HDX: variants seen among roughly 807,000 people sequenced by gnomAD.
HDX encodes the protein chromosome X open reading frame 43.
A neutral mutation model predicts 45.2 loss-of-function variants in HDX; 19 were observed. The ratio of observed to expected loss-of-function variants is 0.42; its 90% CI spans 0.29 to 0.62. The LOEUF is 0.62. Among genes scored for constraint, HDX ranks in the 20% least tolerant of loss-of-function variants. HDX has a pLI of 0.20. For missense variants in HDX, 532 were observed against 493.9 expected (o/e 1.08, Z -0.73); for synonymous variants, 188 against 172.8 (o/e 1.09, Z -0.69).
intron 5 of HDX, among the ~76,000 whole-genome samples, chrX:84,366,950 A>T (rs1162642714): frequency 2.7e-5 from 3 of 112,245 alleles, no homozygotes; most frequent in Admixed American, 9.5e-5. Flanking sequence ...CAAAGACTTC[A>T]TGACTAAAAC....
At chrX:84,474,554 A>G (rs748349032) in intron 3 of HDX, among the ~76,000 whole-genome samples, 5 of 111,904 alleles carry the variant, frequency 4.5e-5, no homozygotes, top group Admixed American at 9.5e-5. Context: ...TAATCTTTCA[A>G]TCACTAAGGT....
intron 5 of HDX, among the ~76,000 whole-genome samples, chrX:84,406,464 TCACATA>T (rs1464628788): frequency 2.4e-5 from 2 of 85,023 alleles, no homozygotes; most frequent in Non-Finnish European, 4.7e-5. Flanking sequence ...CTGGATAATC[TCACATA>T]CACACACACA....
chrX:84,481,872 T>G (rs772891743), intron 2 of HDX, among the ~76,000 whole-genome samples: 1 of 111,163 alleles, frequency 9.0e-6, no homozygotes, highest in African/African-American at 3.3e-5. Flanking sequence ...CCTCCATCCC[T>G]CCCCACTTTT....
chrX:84,446,859 T>TGTGGTG (rs1569347443), intron 4 of HDX, among the ~76,000 whole-genome samples: 1 of 111,937 alleles, frequency 8.9e-6, no homozygotes, highest in African/African-American at 3.3e-5. Flanking sequence ...TTGGGGGAAG[T>TGTGGTG]GTGGTGGCCT....
chrX:84,487,956 G>A (rs2040827665), intron 2 of HDX, 68 bp downstream of exon 2: 1 of 111,827 alleles, frequency 8.9e-6, no homozygotes, highest in Admixed American at 9.5e-5. Context: ...CCGCTCCATA[G>A]TTCCATGAGA....
intron 4 of HDX, among the ~76,000 whole-genome samples, chrX:84,446,486 T>G (rs2039875725): frequency 8.9e-6 from 1 of 111,941 alleles, no homozygotes; most frequent in Non-Finnish European, 1.9e-5. Flanking sequence ...TCTGTATCTT[T>G]TCTTTGCATA....
At chrX:84,490,528 C>T (rs2040872682) in intron 1 of HDX, among the ~76,000 whole-genome samples, 1 of 110,423 alleles carries the variant, frequency 9.1e-6, no homozygotes, top group African/African-American at 3.3e-5. Flanking sequence ...TCATTTGTAC[C>T]CACATATTTA....
chrX:84,357,275 A>C (rs2037510043), intron 6 of HDX, among the ~76,000 whole-genome samples: 1 of 111,439 alleles, frequency 9.0e-6, no homozygotes, highest in Admixed American at 9.6e-5. Flanking sequence ...AAGATGATGG[A>C]ATTATTATAT....
At chrX:84,460,390 T>C (rs2040213953) in intron 4 of HDX, among the ~76,000 whole-genome samples, 2 of 112,203 alleles carry the variant, frequency 1.8e-5, no homozygotes, top group Non-Finnish European at 3.8e-5. Context: ...GTTAAACTTA[T>C]GCAAATTAAC....
chrX:84,395,786 T>C (rs1179007568), intron 5 of HDX, among the ~76,000 whole-genome samples: 2 of 112,045 alleles, frequency 1.8e-5, no homozygotes, highest in Admixed American at 1.9e-4. Flanking sequence ...TTTATTTTTG[T>C]CTGACTGGGT....
rs1324339965 is a variant in HDX at position 84,382,156 on chromosome X, C to A, written c.1306-20544G>T. 2.7e-5 allele frequency among the ~76,000 whole-genome samples: 3 copies of A among 111,593 alleles called. No individual in the cohort carries two copies. In the Admixed American group the frequency reaches 2.8e-4, roughly 11 times the overall value. On this transcript the variant is annotated intron_variant, in intron 5 of 10. Coordinates refer to ENST00000373177, the MANE Select transcript of HDX (RefSeq NM_001177479.2). ...AAAACTACAATGAGGCATTATCTTA[C>A]CTCAGCTAAAGTGGCTTGTATCCAA...
At chrX:84,358,395 T>C (rs2037538948) in intron 6 of HDX, among the ~76,000 whole-genome samples, 1 of 111,796 alleles carries the variant, frequency 8.9e-6, no homozygotes. Flanking sequence ...CAAGAACACA[T>C]GCTCTACATT....
At chrX:84,437,766 C>T (rs1280200776) in intron 5 of HDX, among the ~76,000 whole-genome samples, 5 of 111,208 alleles carry the variant, frequency 4.5e-5, no homozygotes, top group Non-Finnish European at 7.5e-5. Context: ...CCCATTGTGG[C>T]TTGTTCCCTC....
chrX:84,352,141 G>T (rs184378347), intron 6 of HDX, among the ~76,000 whole-genome samples: 2 of 112,269 alleles, frequency 1.8e-5, no homozygotes, highest in African/African-American at 6.4e-5. Flanking sequence ...TAAAAAACAT[G>T]AATGAAGTTA....
chrX:84,440,320 G>C (rs1256254748), intron 5 of HDX: 1 of 321,240 alleles, frequency 3.1e-6, no homozygotes, highest in African/African-American at 2.8e-5. Flanking sequence ...ACTGCCCATG[G>C]ATTATATGGT....
At chrX:84,492,026 C>T (rs767827316) in intron 1 of HDX, among the ~76,000 whole-genome samples, 8 of 111,245 alleles carry the variant, frequency 7.2e-5, no homozygotes, top group African/African-American at 2.6e-4. Context: ...CTTCACTGTG[C>T]AATGTTCTCT....
intron 5 of HDX, among the ~76,000 whole-genome samples, chrX:84,425,889 A>C (rs1255052400): frequency 2.7e-5 from 3 of 110,758 alleles, no homozygotes; most frequent in Non-Finnish European, 5.7e-5. Context: ...GAGACCTACT[A>C]TTTGATAGCA....
intron 5 of HDX, among the ~76,000 whole-genome samples, chrX:84,407,638 T>C (rs1697429788): frequency 9.0e-6 from 1 of 111,686 alleles, no homozygotes; most frequent in African/African-American, 3.3e-5. Context: ...ATCATCTAAT[T>C]GCTTTCCACA....
chrX:84,448,793 A>G (rs992302086), intron 4 of HDX, among the ~76,000 whole-genome samples: 2 of 111,315 alleles, frequency 1.8e-5, no homozygotes, highest in Non-Finnish European at 3.8e-5. Context: ...AACAGATTAT[A>G]TTCAAGAAGA....
Sources: allele counts gnomAD v4.1 joint callset (sites outside exome capture counted in the v4.1 genomes callset), GRCh38; gene constraint gnomAD v4.1.1; transcripts MANE v1.5; gene names NCBI Gene and HGNC (gene_info 2026-07-23, HGNC 2026-07-21).